The following HEMK2 variants were observed in gnomAD, a reference collection of about 807,000 sequenced individuals.
HEMK2 encodes methyltransferase HEMK2.
At chr21:28,733,213 A>G in the HEMK2 span, among the ~76,000 whole-genome samples, 1 of 152,158 alleles carries the variant, frequency 6.6e-6, no homozygotes, top group Non-Finnish European at 1.5e-5. Flanking sequence ...CGGGAGGCGG[A>G]GCTTGCAGTG....
the HEMK2 span, among the ~76,000 whole-genome samples, chr21:28,848,439 G>A: frequency 2.6e-5 from 4 of 151,544 alleles, no homozygotes; most frequent in East Asian, 1.9e-4. Context: ...AGTTTATATC[G>A]GTTTTTTAAA....
At chr21:28,606,319 T>C in the HEMK2 span, among the ~76,000 whole-genome samples, 9 of 152,196 alleles carry the variant, frequency 5.9e-5, no homozygotes, top group Non-Finnish European at 1.3e-4. Flanking sequence ...CTCCGGAATA[T>C]ATCATTACAA....
the HEMK2 span, among the ~76,000 whole-genome samples, chr21:28,884,441 A>T: frequency 6.6e-6 from 1 of 152,162 alleles, no homozygotes; most frequent in African/African-American, 2.4e-5. Context: ...TCCTGAGAAA[A>T]CCCAGTTCAT....
the HEMK2 span, among the ~76,000 whole-genome samples, chr21:28,866,258 T>C: frequency 6.6e-6 from 1 of 151,050 alleles, no homozygotes; most frequent in African/African-American, 2.4e-5. Context: ...AGAGGATCAC[T>C]TGAGCTTGAG....
At chr21:28,609,409 G>C in the HEMK2 span, among the ~76,000 whole-genome samples, 1 of 152,040 alleles carries the variant, frequency 6.6e-6, no homozygotes, top group African/African-American at 2.4e-5. Context: ...CAGCCCTTGA[G>C]TCCCAGATCT....
At chr21:28,659,140 T>C in the HEMK2 span, among the ~76,000 whole-genome samples, 1 of 152,150 alleles carries the variant, frequency 6.6e-6, no homozygotes, top group Non-Finnish European at 1.5e-5. Context: ...CACAAAGATA[T>C]TCTCTCCATA....
chr21:28,650,522 T>C, the HEMK2 span, among the ~76,000 whole-genome samples: 3 of 152,048 alleles, frequency 2.0e-5, no homozygotes, highest in Non-Finnish European at 4.4e-5. Context: ...AAGTGACCAA[T>C]TAGATATAGG....
chr21:28,734,201 G>A, the HEMK2 span, among the ~76,000 whole-genome samples: 10 of 152,190 alleles, frequency 6.6e-5, no homozygotes, highest in African/African-American at 1.9e-4. Flanking sequence ...GTAGCCCCCC[G>A]AAGAAGAAAT....
the HEMK2 span, among the ~76,000 whole-genome samples, chr21:28,642,593 G>A: frequency 6.6e-6 from 1 of 152,218 alleles, no homozygotes; most frequent in Non-Finnish European, 1.5e-5. Flanking sequence ...CTTGTCTGGT[G>A]TCCAAGAAGA....
chr21:28,811,200 G>A, the HEMK2 span, among the ~76,000 whole-genome samples: 1 of 144,128 alleles, frequency 6.9e-6, no homozygotes, highest in Admixed American at 7.0e-5. Context: ...AACAAATTGA[G>A]ATCTCATCTC....
the HEMK2 span, among the ~76,000 whole-genome samples, chr21:28,610,054 G>C: frequency 6.6e-6 from 1 of 152,220 alleles, no homozygotes; most frequent in Non-Finnish European, 1.5e-5. Context: ...AAAGCTCAAA[G>C]AACACCTGGG....
chr21:28,851,548 A>G, the HEMK2 span, among the ~76,000 whole-genome samples: 1 of 152,198 alleles, frequency 6.6e-6, no homozygotes, highest in African/African-American at 2.4e-5. Context: ...CCTTAGAAGG[A>G]ATATCTCGAC....
the HEMK2 span, among the ~76,000 whole-genome samples, chr21:28,607,486 C>G: frequency 2.0e-5 from 3 of 152,178 alleles, no homozygotes; most frequent in African/African-American, 4.8e-5. Context: ...CTGGCGTCAT[C>G]ATTGCAGGCA....
chr21:28,669,414 C>G, the HEMK2 span, among the ~76,000 whole-genome samples: 1 of 152,080 alleles, frequency 6.6e-6, no homozygotes, highest in Non-Finnish European at 1.5e-5. Flanking sequence ...CAATTATTTC[C>G]CCTCTGTGTT....
chr21:28,642,030 G>C, the HEMK2 span, among the ~76,000 whole-genome samples: 1 of 152,308 alleles, frequency 6.6e-6, no homozygotes, highest in East Asian at 1.9e-4. Flanking sequence ...AGAGGTGGAT[G>C]AATACATGTG....
chr21:28,584,996 A>G, the HEMK2 span, among the ~76,000 whole-genome samples: 2 of 152,330 alleles, frequency 1.3e-5, no homozygotes, highest in Non-Finnish European at 2.9e-5. Flanking sequence ...TCCTTTCTAG[A>G]TAAAAATATC....
chr21:28,625,531 C>A, the HEMK2 span, among the ~76,000 whole-genome samples: 5 of 151,996 alleles, frequency 3.3e-5, no homozygotes, highest in Non-Finnish European at 7.4e-5. Flanking sequence ...ACCAGCCTGA[C>A]CAACATGGTG....
chr21:28,633,028 G>T, the HEMK2 span, among the ~76,000 whole-genome samples: 1 of 152,038 alleles, frequency 6.6e-6, no homozygotes, highest in African/African-American at 2.4e-5. Context: ...CCACTTGATC[G>T]GACCCCATTT....
the HEMK2 span, among the ~76,000 whole-genome samples, chr21:28,675,224 G>A: frequency 1.3e-5 from 2 of 151,910 alleles, no homozygotes; most frequent in African/African-American, 4.8e-5. Flanking sequence ...AATGATTACG[G>A]AAGTGAAATA....
Sources: gnomAD v4.1 joint callset for allele counts (sites outside exome capture counted in the v4.1 genomes callset) on GRCh38, gnomAD v4.1.1 for gene constraint, MANE v1.5 for transcripts, NCBI Gene and HGNC (gene_info 2026-07-23, HGNC 2026-07-21) for gene names.